Variants in GRM1 observed in about 807,000 individuals in gnomAD.
GRM1 encodes glutamate metabotropic receptor 1.
A neutral mutation model predicts 90.9 loss-of-function variants in GRM1; 33 were observed. The ratio of observed to expected loss-of-function variants is 0.36; its 90% confidence interval spans 0.28 to 0.49. The LOEUF (loss-of-function observed/expected upper bound fraction) is 0.49. Among genes scored for constraint, GRM1 ranks in the 20% least tolerant of loss-of-function variants. The pLI, the probability that GRM1 is intolerant of heterozygous loss-of-function variation, is 0.99. For synonymous variants in GRM1, 700 were observed against 613.2 expected (o/e 1.14, Z -2.09); for missense variants, 1,190 against 1,534.3 (o/e 0.78, Z 3.75).
intron 4 of GRM1, among the ~76,000 whole-genome samples, chr6:146,353,165 C>A (rs1785466405): frequency 6.6e-6 from 1 of 152,178 alleles, no homozygotes; most frequent in Non-Finnish European, 1.5e-5. Flanking sequence ...TTTGATACTA[C>A]CAGTTAGCTC....
At chr6:146,075,163 G>T (rs1776142603) in intron 1 of GRM1, among the ~76,000 whole-genome samples, 1 of 152,086 alleles carries the variant, frequency 6.6e-6, no homozygotes, top group South Asian at 2.1e-4. Context: ...ATAACAAGGA[G>T]ATATTTGATA....
chr6:146,212,282 A>C (rs1779709146), intron 2 of GRM1, among the ~76,000 whole-genome samples: 1 of 152,270 alleles, frequency 6.6e-6, no homozygotes. Context: ...ACAACATGTC[A>C]GCATATAACT....
At chr6:146,035,362 A>G (rs144825847) in intron 1 of GRM1, among the ~76,000 whole-genome samples, 5 of 152,122 alleles carry the variant, frequency 3.3e-5, no homozygotes, top group Middle Eastern at 3.4e-3. Flanking sequence ...GAGAACATAT[A>G]TTATTGGCAA....
rs71028383 is a variant in GRM1 at position 146,235,701 on chromosome 6, C to CGTGTGTGTGT, written c.951-68875_951-68866dup. ...TCAAAGACATTTTCATCTCTGTTAC[C>CGTGTGTGTGT]GTGTGTGTGTGTGTGTGTGTGTGTG... On this transcript the variant is annotated intron_variant, in intron 2 of 7. Transcript: ENST00000282753. Among the ~76,000 whole-genome samples, 263 of 102,850 alleles carry CGTGTGTGTGT rather than the reference C, an allele frequency of 2.6e-3. 3 individuals are homozygous for CGTGTGTGTGT. The highest frequency in any genetic ancestry group is 8.1e-3 in the African/African-American group (233 of 28,662). 67.5% of individuals were successfully genotyped at this position (102,850 alleles called of 152,430 possible).
chr6:146,379,690 T>A (rs1266575609), intron 5 of GRM1, among the ~76,000 whole-genome samples: 1 of 152,174 alleles, frequency 6.6e-6, no homozygotes, highest in East Asian at 1.9e-4. Context: ...TAGCCTTTAC[T>A]GTCTGGGCTT....
chr6:146,193,192 A>G (rs1483497051), intron 2 of GRM1, among the ~76,000 whole-genome samples: 6 of 152,214 alleles, frequency 3.9e-5, no homozygotes, highest in Non-Finnish European at 8.8e-5. Flanking sequence ...GATGTTAAAT[A>G]GACAGTTAGA....
intron 2 of GRM1, among the ~76,000 whole-genome samples, chr6:146,258,429 C>T (rs1340821484): frequency 1.3e-5 from 2 of 151,734 alleles, no homozygotes; most frequent in Admixed American, 1.3e-4. Context: ...TCATTCTTTC[C>T]TCTTTCTGCC....
chr6:146,137,475 GAT>G (rs1238710377), intron 1 of GRM1, among the ~76,000 whole-genome samples: 1 of 152,060 alleles, frequency 6.6e-6, no homozygotes, highest in Non-Finnish European at 1.5e-5. Context: ...GTTTATTGTA[GAT>G]ATACAGATTT....
At chr6:146,052,736 C>G (rs767880357) in intron 1 of GRM1, among the ~76,000 whole-genome samples, 14 of 152,062 alleles carry the variant, frequency 9.2e-5, no homozygotes, top group Non-Finnish European at 1.8e-4. Context: ...ATCATTTCCT[C>G]AGGAATCCCT....
intron 2 of GRM1, among the ~76,000 whole-genome samples, chr6:146,176,277 A>T (rs1778335426): frequency 6.6e-6 from 1 of 152,088 alleles, no homozygotes; most frequent in South Asian, 2.1e-4. Flanking sequence ...AGAGGTTTTG[A>T]AACACCTATT....
intron 2 of GRM1, among the ~76,000 whole-genome samples, chr6:146,192,835 C>G (rs1236206371): frequency 1.3e-5 from 2 of 152,000 alleles, no homozygotes; most frequent in African/African-American, 4.8e-5. Context: ...TTTAAACAGG[C>G]TTTTCTGCCT....
intron 1 of GRM1, among the ~76,000 whole-genome samples, chr6:146,133,006 G>C (rs767503280): frequency 2.6e-5 from 4 of 152,214 alleles, no homozygotes; most frequent in Admixed American, 6.5e-5. Context: ...GTGATAGTGT[G>C]AAAACTGAAG....
intron 2 of GRM1, among the ~76,000 whole-genome samples, chr6:146,176,474 A>T (rs1015247268): frequency 6.6e-6 from 1 of 152,054 alleles, no homozygotes; most frequent in Non-Finnish European, 1.5e-5. Context: ...TAAGGAAATC[A>T]GTAATAAAGA....
intron 2 of GRM1, among the ~76,000 whole-genome samples, chr6:146,213,375 G>T (rs374542752): frequency 2.0e-5 from 3 of 152,070 alleles, no homozygotes; most frequent in African/African-American, 7.2e-5. Flanking sequence ...AAATCAAAAG[G>T]CATCAGAGAG....
At chr6:146,336,625 G>T (rs1240950563) in intron 3 of GRM1, among the ~76,000 whole-genome samples, 1 of 152,174 alleles carries the variant, frequency 6.6e-6, no homozygotes, top group Non-Finnish European at 1.5e-5. Flanking sequence ...TTGAAAAGGT[G>T]GTCTAGGCTG....
chr6:146,205,154 T>G (rs1421157486), intron 2 of GRM1, among the ~76,000 whole-genome samples: 5 of 152,190 alleles, frequency 3.3e-5, no homozygotes, highest in Non-Finnish European at 7.3e-5. Context: ...TGAGGACATG[T>G]TTTAGAGTAA....
intron 1 of GRM1, among the ~76,000 whole-genome samples, chr6:146,085,147 T>C (rs987895145): frequency 3.3e-5 from 5 of 152,032 alleles, no homozygotes; most frequent in Non-Finnish European, 7.4e-5. Flanking sequence ...ATTAAAGCAA[T>C]GAAAGAACCA....
In GRM1 at chr6:146,426,373, G is replaced by T. The variant is rs7773348; in HGVS notation, c.2661-7499G>T. Among the ~76,000 whole-genome samples the T allele has an allele frequency of 0.063, 9,598 of 152,108 alleles. 902 individuals are homozygous for T. Among genetic ancestry groups the T allele is most frequent in the African/African-American group, 0.2 (8,387 of 41,440 alleles). On this transcript the variant is annotated intron_variant, in intron 7 of 7. Coordinates refer to ENST00000282753, the MANE Select transcript of GRM1 (RefSeq NM_001278064.2). ...TGGAAAGAGATGCACCCCACTGACAGGGTTTTAAGAAATAGCCTGGCAATG... is the reference window on the plus strand; with the variant it reads ...TGGAAAGAGATGCACCCCACTGACATGGTTTTAAGAAATAGCCTGGCAATG...
At chr6:146,419,643 G>A (rs1272972562) in intron 7 of GRM1, among the ~76,000 whole-genome samples, 1 of 152,110 alleles carries the variant, frequency 6.6e-6, no homozygotes, top group East Asian at 1.9e-4. Context: ...ATCACGACTG[G>A]GAGGCCTCAG....
Sources: gnomAD v4.1 joint callset for allele counts (sites outside exome capture counted in the v4.1 genomes callset) on GRCh38, gnomAD v4.1.1 for gene constraint, MANE v1.5 for transcripts, NCBI Gene and HGNC (gene_info 2026-07-23, HGNC 2026-07-21) for gene names.